The following SORCS1 variants were observed in gnomAD, a reference collection of about 807,000 sequenced individuals.
The protein encoded by SORCS1 is sortilin related VPS10 domain containing receptor 1, also known as VPS10 domain-containing receptor SorCS1.
SORCS1 carries 60 observed loss-of-function variants against 146.1 expected under a neutral mutation model. The observed-to-expected ratio is 0.41, with a 90% CI of 0.33 to 0.51. The LOEUF (loss-of-function observed/expected upper bound fraction) is 0.51. Ranked by LOEUF, SORCS1 falls within the 20% of genes least tolerant of loss-of-function variation. The pLI is 0.21. For synonymous variants in SORCS1, 637 were observed against 584.0 expected, an observed-to-expected ratio of 1.09 and a Z score of -1.31; for missense variants, 1,352 against 1,487.6, an observed-to-expected ratio of 0.91 and a Z score of 1.50.
chr10:106,989,271 GAAAA>G (rs1161174866), intron 1 of SORCS1, among the ~76,000 whole-genome samples: 3,133 of 75,474 alleles, frequency 0.042, 80 homozygotes, highest in African/African-American at 0.18. Flanking sequence ...CTCCACCTCA[GAAAA>G]AAAAAAAAAA....
intron 1 of SORCS1, among the ~76,000 whole-genome samples, chr10:107,001,733 G>T (rs1382811173): frequency 6.6e-6 from 1 of 152,160 alleles, no homozygotes; most frequent in East Asian, 1.9e-4. Flanking sequence ...TAAAGTGCTG[G>T]TATTACAGGG....
rs532806729 is a variant in SORCS1, at chr10:106,580,861, G to A, written c.3266-1387C>T. Among the ~76,000 whole-genome samples the A allele has an allele frequency of 2.0e-5, 3 of 152,200 alleles. No homozygotes were observed. The South Asian group carries it at 6.2e-4, about 32-fold the overall frequency. On this transcript the variant is annotated intron_variant, in intron 24 of 25. Transcript: ENST00000263054. ...AATGAAAGCCACCCCTTCCTTCTCA[G>A]AAAATAGTCATTTCAGGAGAGTTGG...
intron 1 of SORCS1, among the ~76,000 whole-genome samples, chr10:107,137,418 C>G (rs1967401543): frequency 6.6e-6 from 1 of 152,146 alleles, no homozygotes; most frequent in Admixed American, 6.5e-5. Flanking sequence ...AATTTCAACT[C>G]CCTGAATTTA....
At chr10:106,858,857 G>C (rs1564743646) in intron 2 of SORCS1, among the ~76,000 whole-genome samples, 1 of 152,160 alleles carries the variant, frequency 6.6e-6, no homozygotes, top group Non-Finnish European at 1.5e-5. Context: ...TCCTTCACTA[G>C]ATGATGTCCA....
At position 106,960,277 on chromosome 10, in the gene SORCS1, C is replaced by T. The variant is rs79660452; in HGVS notation, c.559-3697G>A. 0.029 allele frequency among the ~76,000 whole-genome samples: 4,354 copies of T among 152,306 alleles called. 140 individuals carry two copies. The highest frequency in any genetic ancestry group is 0.08 in the African/African-American group (3,305 of 41,540). On this transcript the variant is annotated intron_variant, in intron 1 of 25. Transcript: ENST00000263054. This position sits in a 1 kb window ranked among gnomAD's most constrained non-coding sequence, Gnocchi z 4.4. ...AGTGACATGCTTCAAGTATCCCCCT[C>T]GCCAGTCTAGGACTTGCTGTCAGCA...
intron 17 of SORCS1, among the ~76,000 whole-genome samples, chr10:106,655,383 G>T (rs866828252): frequency 1.3e-4 from 19 of 151,996 alleles, no homozygotes; most frequent in African/African-American, 3.4e-4. Context: ...ACTGTCTACA[G>T]GTTTCAGAGG....
chr10:107,092,929 C>G lies in SORCS1; in HGVS notation c.558+71040G>C, dbSNP rs1964303208. On this transcript the variant is annotated intron_variant, in intron 1 of 25. Transcript: ENST00000263054. Reference sequence around the variant, plus strand: ...AAACCTTACTGCTTCATGATTCCAACTTTTCTCAAGTTCAATAAGGAAAGA... The same window carrying G: ...AAACCTTACTGCTTCATGATTCCAAGTTTTCTCAAGTTCAATAAGGAAAGA... Among the ~76,000 whole-genome samples, 6 of 133,712 alleles carry G rather than the reference C, an allele frequency of 4.5e-5. No homozygotes were observed. The South Asian group carries it at 1.5e-3, about 34-fold the overall frequency. The allele number at this position is 133,712 out of a possible 152,430, so 87.7% of individuals were successfully genotyped here. A position where few individuals can be genotyped will look rare whatever the true frequency, so the allele number is the denominator to read the frequency against.
At chr10:106,716,691 T>TTC (rs1200184093) in intron 6 of SORCS1, among the ~76,000 whole-genome samples, 1 of 152,194 alleles carries the variant, frequency 6.6e-6, no homozygotes, top group Non-Finnish European at 1.5e-5. Flanking sequence ...GTGAACTTTT[T>TTC]CCTGGGGCTT....
At chr10:106,633,830 C>T (rs1370389971) in intron 18 of SORCS1, among the ~76,000 whole-genome samples, 1 of 152,160 alleles carries the variant, frequency 6.6e-6, no homozygotes, top group Non-Finnish European at 1.5e-5. Flanking sequence ...TGTCCAACTA[C>T]TACCCAAGAC....
chr10:106,832,581 C>T (rs563093645), intron 2 of SORCS1, among the ~76,000 whole-genome samples: 1 of 152,218 alleles, frequency 6.6e-6, no homozygotes, highest in African/African-American at 2.4e-5. Context: ...CCGCATCTTG[C>T]TAGCCTTATT....
At position 106,577,117 on chromosome 10, in the gene SORCS1, A is replaced by G. The variant is rs1302055822; in HGVS notation, c.*303T>C. Reference sequence around the variant, plus strand: ...TGTTGTCTGTGTCTGAAGAATTAAAAAGTCCCGATGCAGTGAGTGTTTGTT... The same window carrying G: ...TGTTGTCTGTGTCTGAAGAATTAAAGAGTCCCGATGCAGTGAGTGTTTGTT... On this transcript the variant is annotated 3_prime_UTR_variant, in exon 26 of 26. Coordinates refer to ENST00000263054, the MANE Select transcript of SORCS1 (RefSeq NM_052918.5). 1 of 1,007,676 alleles carries G rather than the reference A, an allele frequency of 9.9e-7. No individual in the cohort carries two copies. Among genetic ancestry groups the G allele is most frequent in the Admixed American group, 2.8e-5 (1 of 35,458 alleles). The allele number at this position is 1,007,676 out of a possible 1,614,324, so 62.4% of individuals were successfully genotyped here.
intron 13 of SORCS1, 29 bp from the exon 14 acceptor site, chr10:106,675,185 G>A: frequency 1.3e-6 from 2 of 1,508,026 alleles, no homozygotes; most frequent in Non-Finnish European, 1.8e-6. Context: ...TCAGTCATCA[G>A]ATCTCCAAAG....
At chr10:107,113,689 CAAAAA>C (rs538551901) in intron 1 of SORCS1, among the ~76,000 whole-genome samples, 1 of 49,202 alleles carries the variant, frequency 2.0e-5, no homozygotes, top group Non-Finnish European at 4.3e-5. Flanking sequence ...GACTCCATCT[CAAAAA>C]AAAAAAAAAA....
chr10:106,681,348 C>T (rs547387514), intron 10 of SORCS1, among the ~76,000 whole-genome samples: 3 of 152,168 alleles, frequency 2.0e-5, no homozygotes, highest in African/African-American at 7.2e-5. Flanking sequence ...TATGCACAAT[C>T]TTGTATTATC....
chr10:106,645,168 T>C (rs1554886505), intron 18 of SORCS1, among the ~76,000 whole-genome samples: 1 of 75,792 alleles, frequency 1.3e-5, no homozygotes, highest in Non-Finnish European at 2.3e-5. Context: ...GGGTGTCTTA[T>C]TATTTTTTTT....
intron 2 of SORCS1, among the ~76,000 whole-genome samples, chr10:106,868,319 C>A (rs1182296995): frequency 6.6e-6 from 1 of 152,132 alleles, no homozygotes; most frequent in East Asian, 1.9e-4. Flanking sequence ...ATATTCAGAA[C>A]CTGAACTCAA....
chr10:107,092,590 T>C (rs1409511972), intron 1 of SORCS1, among the ~76,000 whole-genome samples: 1 of 152,172 alleles, frequency 6.6e-6, no homozygotes, highest in African/African-American at 2.4e-5. Flanking sequence ...TTCTTCTTAC[T>C]GAGCTCCCAT....
chr10:107,080,250 T>C (rs903305520), intron 1 of SORCS1, among the ~76,000 whole-genome samples: 2 of 152,214 alleles, frequency 1.3e-5, no homozygotes, highest in African/African-American at 4.8e-5. Context: ...TGTTTTGCAG[T>C]GTGTAGTCTT....
chr10:106,589,586 T>C (rs1268300728), intron 24 of SORCS1, among the ~76,000 whole-genome samples: 1 of 152,066 alleles, frequency 6.6e-6, no homozygotes, highest in Non-Finnish European at 1.5e-5. Flanking sequence ...GTCCTGGTCT[T>C]CTCACCTGAG....
Sources: allele counts gnomAD v4.1 joint callset (sites outside exome capture counted in the v4.1 genomes callset), GRCh38; gene constraint gnomAD v4.1.1; non-coding constraint Gnocchi (gnomAD v3.1); transcripts MANE v1.5; gene names NCBI Gene and HGNC (gene_info 2026-07-23, HGNC 2026-07-21).